Variants in CAMTA1 observed in about 807,000 individuals in gnomAD.
CAMTA1 encodes calmodulin-binding transcription activator 1.
Under a neutral mutation model 170.9 loss-of-function variants are expected in CAMTA1, and 27 were observed. The observed-to-expected ratio is 0.16, with a 90% CI of 0.12 to 0.22. The LOEUF (loss-of-function observed/expected upper bound fraction) is 0.22, where lower values mean the gene tolerates loss of function less well. CAMTA1 is among the 10% of genes least tolerant of loss of function. The pLI, the probability that CAMTA1 is intolerant of heterozygous loss-of-function variation, is 1.00. For missense variants in CAMTA1, 1,619 were observed against 2,217.2 expected, an observed-to-expected ratio of 0.73 and a Z score of 5.42; for synonymous variants, 833 against 891.5, an observed-to-expected ratio of 0.93 and a Z score of 1.17.
intron 3 of CAMTA1, among the ~76,000 whole-genome samples, chr1:6,844,425 C>T (rs1470846234): frequency 4.0e-5 from 6 of 149,868 alleles, no homozygotes; most frequent in African/African-American, 1.5e-4. Context: ...GTAATCCCAG[C>T]ACTTTGGGAG....
chr1:7,329,850 G>T (rs763701027), intron 5 of CAMTA1, among the ~76,000 whole-genome samples: 1 of 152,152 alleles, frequency 6.6e-6, no homozygotes, highest in Non-Finnish European at 1.5e-5. Context: ...AACACAAAGA[G>T]GGTTTTTCCT....
At chr1:7,741,553 C>G (rs1432158834) in intron 16 of CAMTA1, among the ~76,000 whole-genome samples, 1 of 150,710 alleles carries the variant, frequency 6.6e-6, no homozygotes, top group Non-Finnish European at 1.5e-5. Context: ...CAGAGCGAGA[C>G]TCTCTCTCAA....
chr1:7,696,495 GT>G lies in CAMTA1; in HGVS notation c.2914+18776del, dbSNP rs368573981. The stretch of plus-strand genomic sequence containing the variant: ...AGGCGTGAGCCACAGTGCCCAGCCA[GT>G]TTTTTTTTTTTTTAAAATAAATGTT... On this transcript the variant is annotated intron_variant, in intron 11 of 22. Coordinates refer to ENST00000303635, the MANE Select transcript of CAMTA1 (RefSeq NM_015215.4). Among the ~76,000 whole-genome samples the G allele has an allele frequency of 4.4e-4, 65 of 147,424 alleles. No homozygotes were observed. In the Middle Eastern group the frequency reaches 0.011, roughly 24 times the overall value.
At chr1:7,593,715 T>C (rs548884656) in intron 6 of CAMTA1, among the ~76,000 whole-genome samples, 1 of 149,582 alleles carries the variant, frequency 6.7e-6, no homozygotes, top group South Asian at 2.2e-4. Flanking sequence ...AGTCTCGAAC[T>C]CCTGACCTCC....
At position 6,887,599 on chromosome 1, in the gene CAMTA1, TA is replaced by T. The variant is rs988480904; in HGVS notation, c.234+62394del. 9.2e-6 allele frequency: 14 copies of T among 1,525,712 alleles called. No individual in the cohort carries two copies. In the African/African-American group the frequency reaches 1.9e-4, roughly 21 times the overall value. 94.5% of individuals were successfully genotyped at this position (1,525,712 alleles called of 1,614,324 possible). Reference sequence around the variant, plus strand: ...GAAATGGGGCAAATTTTTCTTCAGTTAAAAACAGAAATAGAAGCGACGGTTT... The same window carrying T: ...GAAATGGGGCAAATTTTTCTTCAGTTAAAACAGAAATAGAAGCGACGGTTT... On this transcript the variant is annotated intron_variant, in intron 3 of 22. Transcript: ENST00000303635. The surrounding 1 kb of genome is among the most constrained non-coding windows in gnomAD (Gnocchi z 4.1).
At chr1:7,305,956 A>G (rs1675528110) in intron 5 of CAMTA1, among the ~76,000 whole-genome samples, 1 of 151,976 alleles carries the variant, frequency 6.6e-6, no homozygotes, top group Admixed American at 6.6e-5. Context: ...CCATTTCTGT[A>G]TCCTCTTAAG....
At chr1:7,081,089 A>G (rs1029020641) in intron 3 of CAMTA1, among the ~76,000 whole-genome samples, 2 of 152,256 alleles carry the variant, frequency 1.3e-5, no homozygotes, top group African/African-American at 4.8e-5. Context: ...GAAGTGGCTC[A>G]TTGTCACTTG....
At chr1:7,172,136 G>A (rs1649744400) in intron 4 of CAMTA1, among the ~76,000 whole-genome samples, 1 of 151,438 alleles carries the variant, frequency 6.6e-6, no homozygotes, top group South Asian at 2.1e-4. Flanking sequence ...AGTGGAGGTG[G>A]AGATCTTGTC....
chr1:7,391,293 G>C (rs1486335390), intron 5 of CAMTA1, among the ~76,000 whole-genome samples: 1 of 151,346 alleles, frequency 6.6e-6, no homozygotes, highest in Admixed American at 6.6e-5. Context: ...TACCACACCC[G>C]GCTGTATCTG....
chr1:7,506,697 GCA>G lies in CAMTA1; in HGVS notation c.510+38800_510+38801del, dbSNP rs369699907. Among the ~76,000 whole-genome samples the G allele has an allele frequency of 6.7e-3, 1,013 of 150,322 alleles. 12 individuals carry two copies. Among genetic ancestry groups the G allele is most frequent in the African/African-American group, 0.023 (948 of 40,836 alleles). On this transcript the variant is annotated intron_variant, in intron 6 of 22. Transcript: ENST00000303635. Reference sequence around the variant, plus strand: ...AACATCTCATGCTCACACTCGAAATGCACACTCACACGCTCACACTCAAAATT... The same window carrying G: ...AACATCTCATGCTCACACTCGAAATGCACTCACACGCTCACACTCAAAATT...
At chr1:7,350,749 A>G (rs988524988) in intron 5 of CAMTA1, among the ~76,000 whole-genome samples, 14 of 152,064 alleles carry the variant, frequency 9.2e-5, no homozygotes, top group Admixed American at 2.6e-4. Flanking sequence ...ATGTGTGTGT[A>G]TGAGCATCTG....
chr1:7,122,430 G>C (rs147558558), intron 4 of CAMTA1, among the ~76,000 whole-genome samples: 1 of 151,988 alleles, frequency 6.6e-6, no homozygotes, highest in South Asian at 2.1e-4. Context: ...GGTGCCTGGC[G>C]ATCAGAGCAC....
At position 7,246,957 on chromosome 1, in the gene CAMTA1, CT is replaced by C. The variant is rs374350600; in HGVS notation, c.303-2530del. Among the ~76,000 whole-genome samples, 19 of 152,244 alleles carry C rather than the reference CT, an allele frequency of 1.2e-4. No homozygotes were observed. In the East Asian group the frequency reaches 3.1e-3, roughly 25 times the overall value. ...TACTGGGTCTGACTTGCTTTTGATT[CT>C]TTTCTGGGACGGCAGTACGGCCTCA... On this transcript the variant is annotated intron_variant, in intron 4 of 22. Coordinates refer to ENST00000303635, the MANE Select transcript of CAMTA1 (RefSeq NM_015215.4).
intron 5 of CAMTA1, among the ~76,000 whole-genome samples, chr1:7,393,984 A>C (rs938986929): frequency 1.3e-5 from 2 of 152,182 alleles, no homozygotes; most frequent in Non-Finnish European, 2.9e-5. Flanking sequence ...ACTTAACAAA[A>C]TGTCCTCTAG....
chr1:7,364,447 CTTT>C (rs5772274), intron 5 of CAMTA1, among the ~76,000 whole-genome samples: 2 of 144,454 alleles, frequency 1.4e-5, no homozygotes, highest in Non-Finnish European at 1.5e-5. Flanking sequence ...CCTTGTGACT[CTTT>C]TTTTTTTTTT....
chr1:7,759,845 T>G (rs1208731402), intron 22 of CAMTA1, among the ~76,000 whole-genome samples: 1 of 152,212 alleles, frequency 6.6e-6, no homozygotes, highest in Non-Finnish European at 1.5e-5. Context: ...AAAATGCCTG[T>G]TTTTCTAGAC....
intron 11 of CAMTA1, among the ~76,000 whole-genome samples, chr1:7,700,075 T>C (rs910546655): frequency 2.6e-5 from 4 of 152,252 alleles, no homozygotes; most frequent in African/African-American, 9.6e-5. Context: ...CTTGTGCTTT[T>C]GATATATTTA....
At chr1:7,742,058 T>A (rs1458444899) in intron 16 of CAMTA1, among the ~76,000 whole-genome samples, 2 of 151,304 alleles carry the variant, frequency 1.3e-5, no homozygotes, top group African/African-American at 4.9e-5. Flanking sequence ...ATAACAGCTA[T>A]AATAGATAAA....
Position 7,198,244 on chromosome 1 carries a change from T to C in CAMTA1, c.303-51247T>C, listed in dbSNP as rs1370833323. 3.9e-5 allele frequency among the ~76,000 whole-genome samples: 6 copies of C among 151,980 alleles called. 1 individual carries two copies. In the South Asian group the frequency reaches 6.2e-4, roughly 16 times the overall value. On this transcript the variant is annotated intron_variant, in intron 4 of 22. Transcript: ENST00000303635. Reference sequence around the variant, plus strand: ...CCCAGGCCCTGCTCAGTGCATCTAGTAGAGCCAGGATGTCCCAGCTGACCC... The same window carrying C: ...CCCAGGCCCTGCTCAGTGCATCTAGCAGAGCCAGGATGTCCCAGCTGACCC...
Sources: gnomAD v4.1 joint callset for allele counts (sites outside exome capture counted in the v4.1 genomes callset) on GRCh38, gnomAD v4.1.1 for gene constraint, Gnocchi (gnomAD v3.1) non-coding constraint, MANE v1.5 for transcripts, NCBI Gene and HGNC (gene_info 2026-07-23, HGNC 2026-07-21) for gene names.